The following HELZ variants were observed in gnomAD, a reference collection of about 807,000 sequenced individuals.
HELZ encodes ATP-dependent RNA helicase with zinc finger domain.
In HELZ, 23 loss-of-function variants were observed where a neutral mutation model predicts 218.2. The observed-to-expected ratio is 0.11, with a 90% CI of 0.08 to 0.15. The LOEUF (loss-of-function observed/expected upper bound fraction) is 0.15. HELZ is among the 10% of genes least tolerant of loss of function. HELZ has a pLI of 1.00. For missense variants in HELZ, 1,813 were observed against 2,353.7 expected (o/e 0.77, Z 4.75); for synonymous variants, 814 against 829.4 (o/e 0.98, Z 0.32).
chr17:67,089,690 G>GAC lies in HELZ; in HGVS notation c.5242-2610_5242-2609insGT, dbSNP rs1567790616. On this transcript the variant is annotated intron_variant, in intron 31 of 32. Coordinates refer to ENST00000358691, the MANE Select transcript of HELZ (RefSeq NM_014877.4). ...ATATAGAGAGAGAGAGAGAGAGAGA[G>GAC]AGAGAGAGAGACAGAGAGACAGAGA... Among the ~76,000 whole-genome samples the GAC allele has an allele frequency of 2.1e-3, 276 of 134,382 alleles. 1 individual carries two copies. Among genetic ancestry groups the GAC allele is most frequent in the African/African-American group, 7.8e-3 (259 of 33,160 alleles). The allele number at this position is 134,382 out of a possible 152,430, so 88.2% of individuals were successfully genotyped here. A position where few individuals can be genotyped will look rare whatever the true frequency, so the allele number is the denominator to read the frequency against.
chr17:67,089,145 A>T (rs751886908), intron 31 of HELZ, among the ~76,000 whole-genome samples: 7 of 152,230 alleles, frequency 4.6e-5, no homozygotes, highest in Non-Finnish European at 7.3e-5. Context: ...AACGTTGGGT[A>T]TGGGCTCAGA....
chr17:67,225,097 CATAT>C, intron 3 of HELZ: 1 of 489,208 alleles, frequency 2.0e-6, no homozygotes, highest in Non-Finnish European at 3.7e-6. Context: ...TAAAAAATTA[CATAT>C]ATATATAAGC....
At chr17:67,225,008 A>T in intron 3 of HELZ, 1 of 688,028 alleles carries the variant, frequency 1.5e-6, no homozygotes, top group Non-Finnish European at 2.7e-6. Flanking sequence ...AACTGGAAGG[A>T]GATAAGAGAA....
chr17:67,086,631 A>ATATATATAAAAATAAATATAAATATATAT (rs1598183996), intron 32 of HELZ, among the ~76,000 whole-genome samples, 198 bp downstream of exon 32: 41 of 93,290 alleles, frequency 4.4e-4, no homozygotes, highest in South Asian at 9.1e-4. Flanking sequence ...TATAAATATA[A>ATATATATAAAAATAAATATAAATATATAT]ATATATATAT....
In HELZ at chr17:67,091,978, G is replaced by A. The variant is rs148011542; in HGVS notation, c.5242-4897C>T. On this transcript the variant is annotated intron_variant, in intron 31 of 32. Transcript: ENST00000358691. ...CCCTAGAGAGAAAAAACTAGATGGAGCAAGGAGAGGACTATCACTATAAGA... is the reference window on the plus strand; with the variant it reads ...CCCTAGAGAGAAAAAACTAGATGGAACAAGGAGAGGACTATCACTATAAGA... Among the ~76,000 whole-genome samples the A allele has an allele frequency of 7.3e-3, 1,106 of 152,218 alleles. 9 individuals carry two copies. The highest frequency in any genetic ancestry group is 0.012 in the Non-Finnish European group (839 of 68,030).
At chr17:67,244,832 G>A in intron 1 of HELZ, 2 of 985,544 alleles carry the variant, frequency 2.0e-6, no homozygotes, top group South Asian at 9.4e-5. Flanking sequence ...CTCTGGGCCG[G>A]AGAAACCTCC....
At chr17:67,114,471 A>G (rs1567812251) in intron 27 of HELZ, 68 bp from the exon 28 acceptor site, 4 of 895,096 alleles carry the variant, frequency 4.5e-6, no homozygotes, top group South Asian at 1.4e-5. Context: ...TGCTTATCCA[A>G]TATTAGAGAA....
chr17:67,245,387 G>A (rs1204858737), upstream of HELZ: 13 of 794,392 alleles, frequency 1.6e-5, no homozygotes, highest in African/African-American at 3.8e-5. Flanking sequence ...AAATTCACCC[G>A]CATTTTTAAA....
chr17:67,128,662 A>T lies in HELZ; in HGVS notation c.3376T>A (p.Ser1126Thr). The change falls in exon 24 of 33, where the codon TCA becomes ACA. Residue 1126 changes from serine to threonine, a missense_variant. Physicochemically the swap from Ser to Thr is moderately conservative, Grantham distance 58. Transcript: ENST00000358691. The part of the protein sequence containing the change: ...HSGSTNKQQQ[S>T]PPKGKSLHHT... Reference sequence around the variant, plus strand: ...AACAGAGGCTTTACCTTGGGTGGTGATTGCTGCTGTTTGTTGGTACTTCCT... The same window carrying T: ...AACAGAGGCTTTACCTTGGGTGGTGTTTGCTGCTGTTTGTTGGTACTTCCT... 1 of 1,613,942 alleles carries T rather than the reference A, an allele frequency of 6.2e-7. No homozygotes were observed. The highest frequency in any genetic ancestry group is 8.5e-7 in the Non-Finnish European group (1 of 1,179,874).
rs968526606 is a variant in HELZ, at chr17:67,075,894, A to C, written c.*2358T>G. ...TTAGAAATAACTGCTTAGAACAAGG[A>C]TGTCATGACAACTTAATAGCTTCCT... On this transcript the variant is annotated 3_prime_UTR_variant, in exon 33 of 33. Coordinates refer to ENST00000358691, the MANE Select transcript of HELZ (RefSeq NM_014877.4). The C allele has an allele frequency of 1.3e-5, 2 of 152,638 alleles. No individual in the cohort carries two copies. The highest frequency in any genetic ancestry group is 2.9e-5 in the Non-Finnish European group (2 of 68,038). The allele number at this position is 152,638 out of a possible 1,614,324, so 9.5% of individuals were successfully genotyped here.
At chr17:67,220,849 T>TTCC (rs2040724093) in intron 3 of HELZ, among the ~76,000 whole-genome samples, 5 of 114,424 alleles carry the variant, frequency 4.4e-5, no homozygotes, top group African/African-American at 9.9e-5. Context: ...TTAAGATAAC[T>TTCC]CCCCCCCCCC....
intron 13 of HELZ, among the ~76,000 whole-genome samples, chr17:67,177,005 G>A (rs1187194697): frequency 6.7e-6 from 1 of 149,030 alleles, no homozygotes; most frequent in East Asian, 1.9e-4. Flanking sequence ...TTGAAACAGG[G>A]TCTCTCTTTC....
intron 28 of HELZ, 84 bp from the exon 29 acceptor site, chr17:67,109,770 A>G: frequency 2.1e-6 from 2 of 948,136 alleles, no homozygotes; most frequent in Non-Finnish European, 3.2e-6. Context: ...TAACACATCT[A>G]AAGGATATGA....
chr17:67,137,922 G>T lies in HELZ; in HGVS notation c.2953+9C>A. On this transcript the variant is annotated intron_variant, in intron 22 of 32. Transcript: ENST00000358691. ...TTGAATGACTGAATTCATTTCAATT[G>T]ACACTTACCTTGAACATTTAGCACC... The T allele has an allele frequency of 6.3e-7, 1 of 1,581,776 alleles. No individual in the cohort carries two copies. The highest frequency in any genetic ancestry group is 1.2e-5 in the South Asian group (1 of 86,308).
At chr17:67,227,482 C>T (rs2040925717) in intron 3 of HELZ, among the ~76,000 whole-genome samples, 1 of 152,152 alleles carries the variant, frequency 6.6e-6, no homozygotes, top group Non-Finnish European at 1.5e-5. Flanking sequence ...CCACCACACC[C>T]AACCGACATG....
intron 1 of HELZ, chr17:67,244,608 C>A (rs1313082897): frequency 1.0e-4 from 96 of 955,964 alleles, no homozygotes; most frequent in Non-Finnish European, 1.2e-4. Flanking sequence ...GAAAGTGAAT[C>A]TCGGGCCGAG....
intron 12 of HELZ, among the ~76,000 whole-genome samples, chr17:67,183,488 T>C (rs1321664182): frequency 6.6e-6 from 1 of 152,246 alleles, no homozygotes; most frequent in Non-Finnish European, 1.5e-5. Flanking sequence ...CCAACAACTT[T>C]GGTAGTTGGG....
At chr17:67,102,133 A>G (rs2036949287) in intron 31 of HELZ, among the ~76,000 whole-genome samples, 2 of 152,216 alleles carry the variant, frequency 1.3e-5, no homozygotes, top group Admixed American at 1.3e-4. Context: ...TATCTACATG[A>G]GAATAGTCTA....
chr17:67,221,742 G>T (rs1007814383), intron 3 of HELZ, among the ~76,000 whole-genome samples: 1 of 152,180 alleles, frequency 6.6e-6, no homozygotes, highest in East Asian at 1.9e-4. Context: ...GAATGCCTGG[G>T]ACATAAGTGC....
Sources: allele counts gnomAD v4.1 joint callset (sites outside exome capture counted in the v4.1 genomes callset), GRCh38; gene constraint gnomAD v4.1.1; transcripts MANE v1.5; gene names NCBI Gene and HGNC (gene_info 2026-07-23, HGNC 2026-07-21).